The following GLIS3 variants were observed in gnomAD, a reference collection of about 807,000 sequenced individuals.
GLIS3 encodes GLIS family zinc finger 3.
GLIS3 carries 53 observed loss-of-function variants against 78.6 expected under a neutral mutation model. The ratio of observed to expected loss-of-function variants is 0.67; its 90% confidence interval spans 0.54 to 0.85. The LOEUF is 0.85. Ranked by LOEUF, GLIS3 falls within the 40% of genes least tolerant of loss-of-function variation. The pLI is 0.00. For synonymous variants in GLIS3, 684 were observed against 509.9 expected, an observed-to-expected ratio of 1.34 and a Z score of -4.60; for missense variants, 1,703 against 1,231.1, an observed-to-expected ratio of 1.38 and a Z score of -5.74.
intron 6 of GLIS3, among the ~76,000 whole-genome samples, chr9:3,926,858 CAA>C (rs1483160352): frequency 6.6e-6 from 1 of 152,110 alleles, no homozygotes; most frequent in East Asian, 1.9e-4. Context: ...CTCCTGGCCT[CAA>C]GTGATCCACC....
intron 3 of GLIS3, among the ~76,000 whole-genome samples, 171 bp from the exon 4 acceptor site, chr9:4,119,052 T>C (rs1485226913): frequency 6.6e-6 from 1 of 152,184 alleles, no homozygotes; most frequent in Non-Finnish European, 1.5e-5. Context: ...AGGCTTCCAG[T>C]TCCAGGTAAA....
chr9:4,438,770 C>G, the GLIS3 span, among the ~76,000 whole-genome samples: 7,304 of 152,236 alleles, frequency 0.048, 238 homozygotes, highest in Middle Eastern at 0.11. Flanking sequence ...TCTCTCTTGC[C>G]TGCCGCCATG....
At chr9:4,145,182 G>C (rs144271838) in intron 2 of GLIS3, 1 of 152,182 alleles carries the variant, frequency 6.6e-6, no homozygotes, top group African/African-American at 2.4e-5. Context: ...CCACACTATG[G>C]ATGAGGTCAG....
At chr9:3,854,026 G>A (rs374896698) in intron 9 of GLIS3, among the ~76,000 whole-genome samples, 1 of 152,200 alleles carries the variant, frequency 6.6e-6, no homozygotes, top group Non-Finnish European at 1.5e-5. Flanking sequence ...GTTAAAATGT[G>A]AAGGTGAAGA....
chr9:4,189,431 G>C (rs1360325571), intron 2 of GLIS3, among the ~76,000 whole-genome samples: 1 of 152,096 alleles, frequency 6.6e-6, no homozygotes, highest in Non-Finnish European at 1.5e-5. Flanking sequence ...GTCAATTTTG[G>C]AATACGTGTG....
intron 2 of GLIS3, among the ~76,000 whole-genome samples, chr9:4,212,797 A>T (rs1820489260): frequency 6.6e-6 from 1 of 152,212 alleles, no homozygotes; most frequent in Non-Finnish European, 1.5e-5. Context: ...AATGAGTAGA[A>T]GAGAAGTTTC....
chr9:3,899,215 C>T (rs760347932), intron 6 of GLIS3, among the ~76,000 whole-genome samples: 1 of 152,124 alleles, frequency 6.6e-6, no homozygotes, highest in Non-Finnish European at 1.5e-5. Context: ...AATAGAAACA[C>T]TGTCATGAAA....
intron 4 of GLIS3, among the ~76,000 whole-genome samples, chr9:4,096,819 CTGGGCAACA>C (rs1365154609): frequency 2.0e-5 from 3 of 152,118 alleles, no homozygotes; most frequent in Admixed American, 6.5e-5. Context: ...CAAGACCAGC[CTGGGCAACA>C]TGGCAAAATT....
At chr9:4,468,206 A>C in the GLIS3 span, among the ~76,000 whole-genome samples, 1 of 152,338 alleles carries the variant, frequency 6.6e-6, no homozygotes, top group African/African-American at 2.4e-5. Context: ...GTTGGAAAAC[A>C]CTCTGCAGGA....
rs904941882 is a variant in GLIS3 at position 4,173,070 on chromosome 9, C to T, written c.389-47129G>A. On this transcript the variant is annotated intron_variant, in intron 2 of 10. Transcript: ENST00000381971. ...AAGCACAGCTGTGGGCCACATTCCA[C>T]CCGTGGAGTTGGAACCTCGCCTCTA... is the stretch of plus-strand genomic sequence containing the variant. Among the ~76,000 whole-genome samples, 4 of 152,286 alleles carry T rather than the reference C, an allele frequency of 2.6e-5. No homozygotes were observed. The East Asian group carries it at 7.7e-4, about 29-fold the overall frequency.
At chr9:4,206,525 A>T (rs1445351898) in intron 2 of GLIS3, among the ~76,000 whole-genome samples, 1 of 152,230 alleles carries the variant, frequency 6.6e-6, no homozygotes, top group Non-Finnish European at 1.5e-5. Flanking sequence ...CACACAGCCT[A>T]TGTGCAGTGG....
At chr9:3,840,856 C>T (rs1004140199) in intron 9 of GLIS3, among the ~76,000 whole-genome samples, 37 of 152,318 alleles carry the variant, frequency 2.4e-4, no homozygotes, top group African/African-American at 8.7e-4. Context: ...TCCACTTGTG[C>T]CCCTCACAGC....
intron 4 of GLIS3, among the ~76,000 whole-genome samples, chr9:3,971,394 G>C (rs1401008180): frequency 6.6e-6 from 1 of 152,132 alleles, no homozygotes; most frequent in Admixed American, 6.5e-5. Flanking sequence ...AAAAGAAAAA[G>C]TCATTATCTG....
intron 6 of GLIS3, among the ~76,000 whole-genome samples, chr9:3,904,729 T>C (rs1044884663): frequency 6.6e-6 from 1 of 152,242 alleles, no homozygotes; most frequent in Admixed American, 6.5e-5. Flanking sequence ...TGTTGGATAC[T>C]GTGTGCCTCA....
intron 4 of GLIS3, among the ~76,000 whole-genome samples, chr9:4,057,806 A>T (rs146037781): frequency 1.3e-5 from 2 of 152,296 alleles, no homozygotes; most frequent in Non-Finnish European, 2.9e-5. Flanking sequence ...GCTATAAGAG[A>T]AAAAGGATCG....
intron 2 of GLIS3, among the ~76,000 whole-genome samples, chr9:4,313,935 A>C (rs1398134053): frequency 6.6e-6 from 1 of 152,244 alleles, no homozygotes; most frequent in African/African-American, 2.4e-5. Flanking sequence ...ATAAATGTGT[A>C]AATGGGAAAA....
chr9:4,465,194 G>C, the GLIS3 span, among the ~76,000 whole-genome samples: 2 of 152,222 alleles, frequency 1.3e-5, no homozygotes, highest in Non-Finnish European at 1.5e-5. Context: ...ACCAGAGAAA[G>C]GATAATCCTG....
intron 4 of GLIS3, among the ~76,000 whole-genome samples, chr9:4,000,757 C>A (rs758880823): frequency 4.6e-5 from 7 of 152,150 alleles, no homozygotes; most frequent in Non-Finnish European, 1.0e-4. Context: ...TAGTGACACA[C>A]TGAATTATCA....
intron 2 of GLIS3, among the ~76,000 whole-genome samples, chr9:4,224,690 T>C (rs1317832009): frequency 6.6e-6 from 1 of 150,762 alleles, no homozygotes; most frequent in African/African-American, 2.4e-5. Flanking sequence ...CTTCTCCTAT[T>C]CCCCCACTTA....
Sources: allele counts gnomAD v4.1 joint callset (sites outside exome capture counted in the v4.1 genomes callset), GRCh38; gene constraint gnomAD v4.1.1; transcripts MANE v1.5; gene names NCBI Gene and HGNC (gene_info 2026-07-23, HGNC 2026-07-21).